Variants in METTL5 observed in about 807,000 individuals in gnomAD.
The protein encoded by METTL5 is methyltransferase 5, N6-adenosine.
In METTL5, 28 loss-of-function variants were observed where a neutral mutation model predicts 26.5. That is an observed-to-expected ratio of 1.06 (90% CI 0.78 to 1.45). The LOEUF (loss-of-function observed/expected upper bound fraction) is 1.45. METTL5 is among the 40% of genes most tolerant of loss of function. The probability of loss-of-function intolerance (pLI) is 0.00; values close to 1 mark genes in which losing one functional copy is unlikely to be tolerated. For missense variants in METTL5, 231 were observed against 249.9 expected (o/e 0.92, Z 0.51); for synonymous variants, 86 against 82.6 (o/e 1.04, Z -0.22).
chr2:169,813,330 T>G (rs1488355264), intron 5 of METTL5, among the ~76,000 whole-genome samples: 1 of 151,466 alleles, frequency 6.6e-6, no homozygotes, highest in Non-Finnish European at 1.5e-5. Context: ...AGGGTTTCAC[T>G]ATGTTAGCCA....
At chr2:169,818,753 A>G (rs2105718275) in intron 4 of METTL5, among the ~76,000 whole-genome samples, 1 of 152,358 alleles carries the variant, frequency 6.6e-6, no homozygotes, top group Admixed American at 6.5e-5. Context: ...TGTATGATTT[A>G]AATAATAATA....
At chr2:169,822,808 A>G (rs2081602602) in intron 1 of METTL5, among the ~76,000 whole-genome samples, 1 of 152,120 alleles carries the variant, frequency 6.6e-6, no homozygotes, top group Admixed American at 6.5e-5. Context: ...AGACACATAT[A>G]CTCATGATCT....
rs572823948 is a variant in METTL5 at position 169,814,468 on chromosome 2, C to CAAAA, written c.541+1005_541+1008dup. Among the ~76,000 whole-genome samples the CAAAA allele has an allele frequency of 1.2e-3, 67 of 57,558 alleles. 4 individuals are homozygous for CAAAA. Among genetic ancestry groups the CAAAA allele is most frequent in the Middle Eastern group, 0.02 (1 of 50 alleles). The allele number at this position is 57,558 out of a possible 152,430, so 37.8% of individuals were successfully genotyped here. On this transcript the variant is annotated intron_variant, in intron 5 of 6. Coordinates refer to ENST00000260953, the MANE Select transcript of METTL5 (RefSeq NM_014168.4). ...TGGGTAACAGAGCAAGGCTTTGTCTCAAAAAAAAAAAAAGAAAAAAGAAAA... is the reference window on the plus strand; with the variant it reads ...TGGGTAACAGAGCAAGGCTTTGTCTCAAAAAAAAAAAAAAAAAGAAAAAAGAAAA...
chr2:169,815,092 C>T (rs768138042), intron 5 of METTL5, among the ~76,000 whole-genome samples: 5 of 151,954 alleles, frequency 3.3e-5, no homozygotes, highest in Non-Finnish European at 5.9e-5. Context: ...GGGGTTTCAC[C>T]ATGTTGGCCA....
At position 169,821,279 on chromosome 2, in the gene METTL5, A is replaced by T. The variant is rs765177195; in HGVS notation, c.225-6T>A. Reference sequence around the variant, plus strand: ...TGTCAAATCCAACACACAACCTATAAATACAAAACACATACAAAGAGTGGC... The same window carrying T: ...TGTCAAATCCAACACACAACCTATATATACAAAACACATACAAAGAGTGGC... On this transcript the variant is annotated splice_region_variant and splice_polypyrimidine_tract_variant and intron_variant, in intron 2 of 6. Transcript: ENST00000260953. 17 of 1,582,206 alleles carry T rather than the reference A, an allele frequency of 1.1e-5. No individual in the cohort carries two copies. The highest frequency in any genetic ancestry group is 1.5e-5 in the Non-Finnish European group (17 of 1,166,786).
At chr2:169,817,904 G>C (rs1210647829) in intron 4 of METTL5, among the ~76,000 whole-genome samples, 1 of 152,020 alleles carries the variant, frequency 6.6e-6, no homozygotes, top group African/African-American at 2.4e-5. Flanking sequence ...AGAACTTAAA[G>C]TATAATTAAA....
chr2:169,812,678 T>A, intron 5 of METTL5, 172 bp from the exon 6 acceptor site: 3 of 630,236 alleles, frequency 4.8e-6, no homozygotes, highest in Non-Finnish European at 7.8e-6. Flanking sequence ...GCATTAGCCA[T>A]GGCAGCTTGG....
At chr2:169,819,722 T>C in intron 3 of METTL5, 79 bp from the exon 4 acceptor site, 2 of 924,392 alleles carry the variant, frequency 2.2e-6, no homozygotes, top group Non-Finnish European at 3.4e-6. Context: ...AGAAATATTT[T>C]CTTCCAAACT....
intron 3 of METTL5, among the ~76,000 whole-genome samples, chr2:169,820,093 G>T (rs2081564236): frequency 6.6e-6 from 1 of 152,078 alleles, no homozygotes. Flanking sequence ...TAGTGGCTGG[G>T]ATTACAGGCA....
At position 169,822,081 on chromosome 2, in the gene METTL5, T is replaced by G. The variant is rs749477749; in HGVS notation, c.110-24A>C. On this transcript the variant is annotated intron_variant, in intron 1 of 6. Transcript: ENST00000260953. The stretch of plus-strand genomic sequence containing the variant: ...TGCTAAAAAATAAAAAAAAAAAGAA[T>G]AAGTAAGCAAGCCGGTGACTAAAAT... 7 of 1,429,400 alleles carry G rather than the reference T, an allele frequency of 4.9e-6. No individual in the cohort carries two copies. In the South Asian group the frequency reaches 7.5e-5, roughly 15 times the overall value. 88.5% of individuals were successfully genotyped at this position (1,429,400 alleles called of 1,614,324 possible).
chr2:169,822,157 T>C, intron 1 of METTL5, 100 bp from the exon 2 acceptor site: 6 of 1,444,868 alleles, frequency 4.2e-6, no homozygotes, highest in Non-Finnish European at 5.5e-6. Flanking sequence ...GTTGCATTAC[T>C]TAGTCCTCCC....
At chr2:169,819,411 C>A (rs140841947) in intron 4 of METTL5, 150 bp downstream of exon 4, 11 of 538,476 alleles carry the variant, frequency 2.0e-5, no homozygotes, top group African/African-American at 1.5e-4. Context: ...CAATCAGATG[C>A]TAGCTGGTTA....
chr2:169,823,936 A>G (rs1056536713), intron 1 of METTL5, among the ~76,000 whole-genome samples: 7 of 152,242 alleles, frequency 4.6e-5, no homozygotes, highest in African/African-American at 1.7e-4. Flanking sequence ...TCTGGCATGA[A>G]GCAACAATGC....
intron 1 of METTL5, among the ~76,000 whole-genome samples, chr2:169,823,040 C>T (rs1415451211): frequency 6.6e-6 from 1 of 151,952 alleles, no homozygotes; most frequent in Non-Finnish European, 1.5e-5. Flanking sequence ...GGCTGGGGTG[C>T]AGTGGCGGAT....
intron 3 of METTL5, among the ~76,000 whole-genome samples, chr2:169,819,845 G>A (rs755159490): frequency 6.6e-6 from 1 of 151,878 alleles, no homozygotes; most frequent in Non-Finnish European, 1.5e-5. Flanking sequence ...GTTAAATAAG[G>A]ATAAAGTAAA....
Position 169,824,761 on chromosome 2 carries a change from C to G in METTL5, c.-164G>C, listed in dbSNP as rs895270977. On this transcript the variant is annotated 5_prime_UTR_variant, in exon 1 of 7. Coordinates refer to ENST00000260953, the MANE Select transcript of METTL5 (RefSeq NM_014168.4). ...TAAGGAGACGCCCGGACGCAGGGCA[C>G]GGGGCGAGCCTCTGACCCACCTCCC... 411 of 578,782 alleles carry G rather than the reference C, an allele frequency of 7.1e-4. No homozygotes were observed. The highest frequency in any genetic ancestry group is 1.5e-3 in the Admixed American group (54 of 34,878). 35.9% of individuals were successfully genotyped at this position (578,782 alleles called of 1,614,324 possible).
intron 1 of METTL5, among the ~76,000 whole-genome samples, chr2:169,822,695 T>C (rs762322754): frequency 6.6e-6 from 1 of 151,896 alleles, no homozygotes; most frequent in Non-Finnish European, 1.5e-5. Context: ...CTTTCCAAAG[T>C]GTTGGGATTA....
chr2:169,814,355 T>G (rs1004662290), intron 5 of METTL5, among the ~76,000 whole-genome samples: 1 of 148,630 alleles, frequency 6.7e-6, no homozygotes, highest in Admixed American at 6.9e-5. Flanking sequence ...GGCGTGGTAG[T>G]GCATGCCTGT....
chr2:169,812,209 C>T (rs1204155621), intron 6 of METTL5: 1 of 613,426 alleles, frequency 1.6e-6, no homozygotes, highest in African/African-American at 1.9e-5. Context: ...AAGTTGGTAA[C>T]ACTAGAAATA....
Sources: allele counts gnomAD v4.1 joint callset (sites outside exome capture counted in the v4.1 genomes callset), GRCh38; gene constraint gnomAD v4.1.1; transcripts MANE v1.5; gene names NCBI Gene and HGNC (gene_info 2026-07-23, HGNC 2026-07-21).